The following GRIN3A variants were observed in gnomAD, a reference collection of about 807,000 sequenced individuals.
GRIN3A encodes the protein glutamate ionotropic receptor NMDA type subunit 3A.
In GRIN3A, 47 loss-of-function variants were observed where a neutral mutation model predicts 92.4. The ratio of observed to expected loss-of-function variants is 0.51; its 90% confidence interval spans 0.40 to 0.65. The LOEUF (loss-of-function observed/expected upper bound fraction) is 0.65, where lower values mean the gene tolerates loss of function less well. Ranked by LOEUF, GRIN3A falls within the 30% of genes least tolerant of loss-of-function variation. The pLI is 0.00. For missense variants in GRIN3A, 1,324 were observed against 1,393.1 expected, an observed-to-expected ratio of 0.95 and a Z score of 0.79; for synonymous variants, 527 against 540.6, an observed-to-expected ratio of 0.97 and a Z score of 0.35.
chr9:101,577,320 C>A lies in GRIN3A; in HGVS notation c.3008+448G>T, dbSNP rs903561765. On this transcript the variant is annotated intron_variant, in intron 8 of 8. Coordinates refer to ENST00000361820, the MANE Select transcript of GRIN3A (RefSeq NM_133445.3). The stretch of plus-strand genomic sequence containing the variant: ...TAATTGCCTGCGGTATTCATTAATT[C>A]TTACATGTATTTTGTACATAATAAT... 2.6e-5 allele frequency among the ~76,000 whole-genome samples: 4 copies of A among 152,004 alleles called. No homozygotes were observed. In the East Asian group the frequency reaches 5.8e-4, roughly 22 times the overall value.
chr9:101,627,703 AT>A (rs1383374321), intron 4 of GRIN3A, among the ~76,000 whole-genome samples: 3 of 152,312 alleles, frequency 2.0e-5, no homozygotes, highest in Non-Finnish European at 4.4e-5. Context: ...ATAATCTGCC[AT>A]GGCAGTGTGA....
intron 2 of GRIN3A, among the ~76,000 whole-genome samples, 167 bp from the exon 3 acceptor site, chr9:101,671,274 A>T (rs1476578193): frequency 6.6e-6 from 1 of 152,206 alleles, no homozygotes; most frequent in Non-Finnish European, 1.5e-5. Context: ...CTCATTCTCT[A>T]TTATAGGAGT....
chr9:101,585,258 A>C (rs1022258725), intron 6 of GRIN3A, among the ~76,000 whole-genome samples: 1 of 152,246 alleles, frequency 6.6e-6, no homozygotes, highest in African/African-American at 2.4e-5. Context: ...TTTTTGTGAT[A>C]CTTCTTTCTC....
intron 3 of GRIN3A, among the ~76,000 whole-genome samples, chr9:101,645,173 C>G (rs555015776): frequency 1.3e-5 from 2 of 151,976 alleles, no homozygotes; most frequent in Admixed American, 6.6e-5. Flanking sequence ...GCTTCCTAAC[C>G]TCTAGTAACC....
intron 3 of GRIN3A, among the ~76,000 whole-genome samples, chr9:101,635,301 T>A (rs998010630): frequency 6.6e-6 from 1 of 152,204 alleles, no homozygotes; most frequent in Non-Finnish European, 1.5e-5. Flanking sequence ...TACCAGTTTT[T>A]GTCAATCAAG....
At position 101,712,283 on chromosome 9, in the gene GRIN3A, G is replaced by C. The variant is rs537490450; in HGVS notation, c.699+24998C>G. ...ATCTGATGGTTTAATTAATTACTTG[G>C]AAAACCTAGAAAGATCTTGATTTTG... On this transcript the variant is annotated intron_variant, in intron 1 of 8. Coordinates refer to ENST00000361820, the MANE Select transcript of GRIN3A (RefSeq NM_133445.3). 7.9e-5 allele frequency among the ~76,000 whole-genome samples: 12 copies of C among 152,162 alleles called. No individual in the cohort carries two copies. The East Asian group carries it at 1.7e-3, about 22-fold the overall frequency.
chr9:101,700,273 G>A (rs534200929), intron 1 of GRIN3A, among the ~76,000 whole-genome samples: 2 of 152,190 alleles, frequency 1.3e-5, no homozygotes, highest in Non-Finnish European at 2.9e-5. Context: ...CAGGAAGAAG[G>A]CTGACCTTTG....
intron 2 of GRIN3A, among the ~76,000 whole-genome samples, chr9:101,684,580 A>G (rs1829506937): frequency 1.3e-5 from 2 of 152,288 alleles, no homozygotes; most frequent in South Asian, 4.1e-4. Flanking sequence ...GTAATTTTAT[A>G]TACAAAATGC....
chr9:101,614,587 A>G (rs1828412733), intron 5 of GRIN3A, among the ~76,000 whole-genome samples: 1 of 145,562 alleles, frequency 6.9e-6, no homozygotes, highest in East Asian at 2.0e-4. Context: ...AGGAATACAT[A>G]TATATGCATA....
intron 3 of GRIN3A, among the ~76,000 whole-genome samples, chr9:101,639,559 C>T (rs1222173811): frequency 6.6e-6 from 1 of 152,156 alleles, no homozygotes; most frequent in Non-Finnish European, 1.5e-5. Flanking sequence ...AACCTAGAGT[C>T]AGCAATTTTG....
At chr9:101,704,286 T>C (rs1829787795) in intron 1 of GRIN3A, among the ~76,000 whole-genome samples, 2 of 152,224 alleles carry the variant, frequency 1.3e-5, no homozygotes, top group African/African-American at 4.8e-5. Context: ...TGTCTTCATG[T>C]CATGTTATAC....
chr9:101,673,346 C>T (rs1012044521), intron 2 of GRIN3A, among the ~76,000 whole-genome samples: 5 of 152,014 alleles, frequency 3.3e-5, no homozygotes, highest in African/African-American at 1.2e-4. Context: ...GGACAAGGCC[C>T]AGTTGTCTTT....
rs1357540862 is a variant in GRIN3A, at chr9:101,681,815, T to C, written c.1304+4781A>G. 4.2e-4 allele frequency among the ~76,000 whole-genome samples: 2 copies of C among 4,764 alleles called. 1 individual carries two copies. Among genetic ancestry groups the C allele is most frequent in the African/African-American group, 1.3e-3 (2 of 1,484 alleles). The allele number at this position is 4,764 out of a possible 152,430, so 3.1% of individuals were successfully genotyped here. ...GCGCTGCACCCACTAATGTGTCATCTAGCATTAGGTATATCTCCCAATGCT... is the reference window on the plus strand; with the variant it reads ...GCGCTGCACCCACTAATGTGTCATCCAGCATTAGGTATATCTCCCAATGCT... On this transcript the variant is annotated intron_variant, in intron 2 of 8. Transcript: ENST00000361820.
chr9:101,713,995 C>G (rs912026918), intron 1 of GRIN3A, among the ~76,000 whole-genome samples: 1 of 152,074 alleles, frequency 6.6e-6, no homozygotes, highest in Non-Finnish European at 1.5e-5. Context: ...GCACTGCACT[C>G]CAGTCTGTGC....
chr9:101,615,503 C>G (rs1828434021), intron 5 of GRIN3A, among the ~76,000 whole-genome samples: 1 of 151,564 alleles, frequency 6.6e-6, no homozygotes, highest in South Asian at 2.1e-4. Flanking sequence ...ACTACAGGCG[C>G]CCGCCACCAC....
At chr9:101,645,133 G>A (rs1425198548) in intron 3 of GRIN3A, among the ~76,000 whole-genome samples, 1 of 151,652 alleles carries the variant, frequency 6.6e-6, no homozygotes, top group Admixed American at 6.6e-5. Flanking sequence ...TACCTATTAA[G>A]CAACCTTTCC....
chr9:101,686,935 G>A lies in GRIN3A; in HGVS notation c.965C>T (p.Thr322Ile). 6.2e-7 allele frequency: 1 copy of A among 1,614,176 alleles called. No homozygotes were observed. The highest frequency in any genetic ancestry group is 8.5e-7 in the Non-Finnish European group (1 of 1,180,030). Residue 322 changes from threonine (T) to isoleucine (I), a missense_variant, in exon 2 of 9, where the codon ACA (threonine) becomes ATA (isoleucine). Coordinates refer to ENST00000361820, the MANE Select transcript of GRIN3A (RefSeq NM_133445.3). The part of the protein sequence containing the change: ...QIQLESIKNS[T>I]PTVVMFGCDM... Reference sequence around the variant, plus strand: ...GCAGCCAAACATCACCACTGTGGGTGTGCTGTTCTTAATACTCTCAAGCTG... The same window carrying A: ...GCAGCCAAACATCACCACTGTGGGTATGCTGTTCTTAATACTCTCAAGCTG...
chr9:101,586,875 G>T (rs1053341813), intron 6 of GRIN3A, among the ~76,000 whole-genome samples: 2 of 152,178 alleles, frequency 1.3e-5, no homozygotes, highest in African/African-American at 4.8e-5. Context: ...TCCAATGTCA[G>T]TGCCCCAAAG....
rs758410066 is a variant in GRIN3A at position 101,613,413 on chromosome 9, A to G, written c.2729T>C (p.Val910Ala). Reference protein sequence around the residue: ...MDMLHDKWYRVVPCGKRSFAV... With the variant: ...MDMLHDKWYRAVPCGKRSFAV... ...AAAACTTCTCTTGCCACAGGGAACC[A>G]CCCTGTACCACTTGTCATGGAGCAT... is the stretch of plus-strand genomic sequence containing the variant. Residue 910 changes from valine (V) to alanine (A), a missense_variant, in exon 6 of 9, where the codon GTG becomes GCG. Coordinates refer to ENST00000361820, the MANE Select transcript of GRIN3A (RefSeq NM_133445.3). 6.2e-7 allele frequency: 1 copy of G among 1,613,982 alleles called. No homozygotes were observed. The highest frequency in any genetic ancestry group is 1.7e-5 in the Admixed American group (1 of 59,996).
Sources: allele counts gnomAD v4.1 joint callset (sites outside exome capture counted in the v4.1 genomes callset), GRCh38; gene constraint gnomAD v4.1.1; transcripts MANE v1.5; gene names NCBI Gene and HGNC (gene_info 2026-07-23, HGNC 2026-07-21).